THSD4: variants seen among roughly 807,000 people sequenced by gnomAD.
THSD4 encodes thrombospondin type 1 domain containing 4.
Under a neutral mutation model 119.0 loss-of-function variants are expected in THSD4, and 69 were observed. The ratio of observed to expected loss-of-function variants is 0.58; its 90% CI spans 0.48 to 0.71. THSD4 has a LOEUF of 0.71. THSD4 is among the 30% of genes least tolerant of loss of function. The pLI is 0.00. For missense variants in THSD4, 1,393 were observed against 1,391.1 expected (o/e 1.00, Z -0.02); for synonymous variants, 524 against 540.4 (o/e 0.97, Z 0.42).
In THSD4 at chr15:71,748,611, G is replaced by A. The variant is rs368767463; in HGVS notation, c.2415+17G>A. ...AGCGAAAGGGTGAGTGTGATGGCGGGCAGAGCGCCGGGGACCGAGGTCTGC... is the reference window on the plus strand; with the variant it reads ...AGCGAAAGGGTGAGTGTGATGGCGGACAGAGCGCCGGGGACCGAGGTCTGC... On this transcript the variant is annotated intron_variant, in intron 14 of 17. Coordinates refer to ENST00000261862, the MANE Select transcript of THSD4 (RefSeq NM_024817.3). 2.3e-5 allele frequency: 37 copies of A among 1,613,304 alleles called. No individual in the cohort carries two copies. The highest frequency in any genetic ancestry group is 2.7e-5 in the African/African-American group (2 of 74,912).
intron 6 of THSD4, among the ~76,000 whole-genome samples, chr15:71,306,052 A>G (rs2045020061): frequency 6.6e-6 from 1 of 152,148 alleles, no homozygotes; most frequent in Non-Finnish European, 1.5e-5. Flanking sequence ...TCATGTCTGT[A>G]ATCCCAGCAC....
At chr15:71,623,863 C>T (rs1432380540) in intron 7 of THSD4, among the ~76,000 whole-genome samples, 1 of 148,408 alleles carries the variant, frequency 6.7e-6, no homozygotes, top group East Asian at 2.0e-4. Context: ...GTGGAGGTTG[C>T]AGTGAGCCGA....
intron 7 of THSD4, among the ~76,000 whole-genome samples, chr15:71,620,873 C>T (rs1304849903): frequency 3.3e-5 from 5 of 152,128 alleles, no homozygotes; most frequent in African/African-American, 1.2e-4. Context: ...GCAGCAGGGT[C>T]AGTTTCTGGC....
At chr15:71,559,203 G>A (rs2049072256) in intron 7 of THSD4, among the ~76,000 whole-genome samples, 2 of 152,194 alleles carry the variant, frequency 1.3e-5, no homozygotes, top group African/African-American at 4.8e-5. Flanking sequence ...CTGTGGAGGG[G>A]TGGGGCATGG....
At chr15:71,707,833 C>G (rs1204217496) in intron 8 of THSD4, among the ~76,000 whole-genome samples, 1 of 152,120 alleles carries the variant, frequency 6.6e-6, no homozygotes, top group Non-Finnish European at 1.5e-5. Flanking sequence ...AGAAAGCATC[C>G]TTTTCCCAAA....
At chr15:71,467,498 A>G (rs1450051161) in intron 7 of THSD4, among the ~76,000 whole-genome samples, 2 of 152,194 alleles carry the variant, frequency 1.3e-5, no homozygotes, top group Non-Finnish European at 2.9e-5. Flanking sequence ...GAATCTCAGC[A>G]AGCAAGGCCT....
intron 6 of THSD4, among the ~76,000 whole-genome samples, chr15:71,307,573 C>G (rs1203060054): frequency 1.3e-5 from 2 of 152,112 alleles, no homozygotes; most frequent in African/African-American, 2.4e-5. Context: ...AGTTCAAGAC[C>G]AGCCTGGCCA....
intron 2 of THSD4, chr15:71,147,829 G>A (rs1418629920): frequency 6.6e-6 from 1 of 152,100 alleles, no homozygotes; most frequent in East Asian, 1.9e-4. Context: ...AGTTAACTGG[G>A]TGTGGTTGCA....
intron 8 of THSD4, among the ~76,000 whole-genome samples, chr15:71,679,357 C>T (rs943291359): frequency 6.6e-6 from 1 of 152,174 alleles, no homozygotes; most frequent in African/African-American, 2.4e-5. Context: ...CTTTGCAGGC[C>T]ATTTGGCCTC....
At chr15:71,312,567 A>G (rs1206134329) in intron 6 of THSD4, among the ~76,000 whole-genome samples, 4 of 152,088 alleles carry the variant, frequency 2.6e-5, no homozygotes, top group Admixed American at 6.6e-5. Context: ...ATAAATTTCT[A>G]TTATTTAAGC....
At chr15:71,300,002 T>TATATATATATATATATA (rs2044926604) in intron 6 of THSD4, among the ~76,000 whole-genome samples, 3 of 141,238 alleles carry the variant, frequency 2.1e-5, no homozygotes, top group African/African-American at 8.0e-5. Context: ...TATATATATA[T>TATATATATATATATATA]TAGCCATGGG....
chr15:71,689,885 C>T (rs895238903), intron 8 of THSD4, among the ~76,000 whole-genome samples: 3 of 152,150 alleles, frequency 2.0e-5, no homozygotes, highest in Admixed American at 2.0e-4. Context: ...CGTCCCTGAA[C>T]GTGAGTGGAG....
chr15:71,755,024 C>T (rs2053513929), intron 14 of THSD4, among the ~76,000 whole-genome samples: 1 of 152,202 alleles, frequency 6.6e-6, no homozygotes, highest in East Asian at 1.9e-4. Flanking sequence ...GGAGTCAACT[C>T]CCCATCTCCA....
intron 7 of THSD4, among the ~76,000 whole-genome samples, chr15:71,653,676 C>G (rs1037900427): frequency 1.3e-5 from 2 of 152,220 alleles, no homozygotes; most frequent in African/African-American, 4.8e-5. Context: ...CCTGACAGTC[C>G]TTCAACCAAA....
chr15:71,339,054 C>T (rs779727823), intron 6 of THSD4, among the ~76,000 whole-genome samples: 26 of 152,300 alleles, frequency 1.7e-4, no homozygotes, highest in East Asian at 3.9e-4. Context: ...GCCATCTCTG[C>T]GGCCTCGCCT....
intron 7 of THSD4, among the ~76,000 whole-genome samples, chr15:71,583,873 A>G (rs1400693975): frequency 6.6e-6 from 1 of 152,170 alleles, no homozygotes; most frequent in Non-Finnish European, 1.5e-5. Flanking sequence ...AAGAACATGC[A>G]TTCTGCTGCT....
chr15:71,204,853 A>G (rs558606783), intron 3 of THSD4, among the ~76,000 whole-genome samples: 1 of 152,122 alleles, frequency 6.6e-6, no homozygotes, highest in East Asian at 1.9e-4. Context: ...AGAAATTCTG[A>G]GTTGGCCTCA....
At chr15:71,648,576 T>G (rs75650153) in intron 7 of THSD4, among the ~76,000 whole-genome samples, 1,648 of 152,342 alleles carry the variant, frequency 0.011, 16 homozygotes, top group Middle Eastern at 0.031. Context: ...AAAAGAAATC[T>G]CTGGAAGCCT....
intron 1 of THSD4, among the ~76,000 whole-genome samples, chr15:71,119,243 T>C (rs994192285): frequency 2.4e-4 from 37 of 152,218 alleles, no homozygotes; most frequent in Admixed American, 6.5e-5. Context: ...CATTATTTCC[T>C]GAAACAGTTG....
Sources: gnomAD v4.1 joint callset for allele counts (sites outside exome capture counted in the v4.1 genomes callset) on GRCh38, gnomAD v4.1.1 for gene constraint, MANE v1.5 for transcripts, NCBI Gene and HGNC (gene_info 2026-07-23, HGNC 2026-07-21) for gene names.